ADRA2B: variants seen among roughly 807,000 people sequenced by gnomAD.
The protein encoded by ADRA2B is alpha-2B adrenergic receptor.
Under a neutral mutation model 14.4 loss-of-function variants are expected in ADRA2B, and 14 were observed. The observed-to-expected ratio is 0.97, with a 90% CI of 0.64 to 1.52. ADRA2B has a LOEUF of 1.52. ADRA2B is among the 40% of genes most tolerant of loss of function. The pLI is 0.00. For missense variants in ADRA2B, 606 were observed against 603.2 expected, an observed-to-expected ratio of 1.00 and a Z score of -0.05; for synonymous variants, 250 against 263.7, an observed-to-expected ratio of 0.95 and a Z score of 0.50.
chr2:96,115,504 C>T lies in ADRA2B; in HGVS notation c.646G>A (p.Gly216Ser), dbSNP rs1681845694. The change falls in exon 1 of 1, where the codon GGT (glycine) becomes AGT (serine). Residue 216 changes from glycine to serine, a missense_variant. Coordinates refer to ENST00000620793, the MANE Select transcript of ADRA2B (RefSeq NM_000682.7). ...TCGGGTCGGGGCTGCTTGGACTCAC[C>T]CTGCCCAGGCCCCCCCTTGGCCCTG... is the stretch of plus-strand genomic sequence containing the variant. The part of the protein sequence containing the change: ...GPRAKGGPGQ[G>S]ESKQPRPDHG... 6.2e-7 allele frequency: 1 copy of T among 1,613,714 alleles called. No individual in the cohort carries two copies. Among genetic ancestry groups the T allele is most frequent in the Non-Finnish European group, 8.5e-7 (1 of 1,179,876 alleles).
In ADRA2B at chr2:96,115,845, T is replaced by A; in HGVS notation, c.305A>T (p.His102Leu). The stretch of plus-strand genomic sequence containing the variant: ...GCGGTCCAGGCTGATGGCGCACAGG[T>A]GCACGATGGACGAGGTGCAGAAGAG... Reference protein sequence around the residue: ...DVLFCTSSIVHLCAISLDRYW... With the variant: ...DVLFCTSSIVLLCAISLDRYW... The change falls in exon 1 of 1, where the codon CAC becomes CTC. Residue 102 changes from histidine to leucine, a missense_variant. His to Leu is a moderately conservative substitution (Grantham distance 99, BLOSUM62 -3). Coordinates refer to ENST00000620793, the MANE Select transcript of ADRA2B (RefSeq NM_000682.7). 1 of 1,613,396 alleles carries A rather than the reference T, an allele frequency of 6.2e-7. No individual in the cohort carries two copies. The highest frequency in any genetic ancestry group is 8.5e-7 in the Non-Finnish European group (1 of 1,179,728).
At position 96,113,092 on chromosome 2, in the gene ADRA2B, G is replaced by A. The variant is rs1681786961; in HGVS notation, c.*1705C>T. 3 of 398,464 alleles carry A rather than the reference G, an allele frequency of 7.5e-6. No individual in the cohort carries two copies. The highest frequency in any genetic ancestry group is 1.3e-5 in the Non-Finnish European group (3 of 226,088). The allele number at this position is 398,464 out of a possible 1,614,324, so 24.7% of individuals were successfully genotyped here. ...ACTCTGGCCTCAACAACCCACTGAG[G>A]ACCAAGCTGGGAAGCCTCCCACACC... On this transcript the variant is annotated 3_prime_UTR_variant, in exon 1 of 1. Coordinates refer to ENST00000620793, the MANE Select transcript of ADRA2B (RefSeq NM_000682.7).
rs527711374 is a variant in ADRA2B, at chr2:96,114,480, G to A, written c.*317C>T. On this transcript the variant is annotated 3_prime_UTR_variant, in exon 1 of 1. Transcript: ENST00000620793. ...GCCCAGACATTGGTCTGGAGAGCAT[G>A]GGGCTCTGGGAAGAAAGTGCTCTCT... 1 of 1,161,354 alleles carries A rather than the reference G, an allele frequency of 8.6e-7. No homozygotes were observed. The highest frequency in any genetic ancestry group is 1.1e-6 in the Non-Finnish European group (1 of 938,216). 71.9% of individuals were successfully genotyped at this position (1,161,354 alleles called of 1,614,324 possible).
At position 96,114,614 on chromosome 2, in the gene ADRA2B, G is replaced by C. The variant is rs751256620; in HGVS notation, c.*183C>G. ...CCCACAGCTAAGCCGGCAAGGGGAAGCTTCACTGGGACCCTTGCTAGCAGC... is the reference window on the plus strand; with the variant it reads ...CCCACAGCTAAGCCGGCAAGGGGAACCTTCACTGGGACCCTTGCTAGCAGC... On this transcript the variant is annotated 3_prime_UTR_variant, in exon 1 of 1. Coordinates refer to ENST00000620793, the MANE Select transcript of ADRA2B (RefSeq NM_000682.7). 267 of 1,424,942 alleles carry C rather than the reference G, an allele frequency of 1.9e-4. No individual in the cohort carries two copies. The highest frequency in any genetic ancestry group is 2.6e-4 in the Middle Eastern group (1 of 3,848). 88.3% of individuals were successfully genotyped at this position (1,424,942 alleles called of 1,614,324 possible).
chr2:96,115,787 G>C lies in ADRA2B; in HGVS notation c.363C>G (p.Asn121Lys). The C allele has an allele frequency of 6.2e-7, 1 of 1,612,964 alleles. No individual in the cohort carries two copies. Among genetic ancestry groups the C allele is most frequent in the African/African-American group, 1.3e-5 (1 of 75,052 alleles). The change falls in exon 1 of 1, where the codon AAC (asparagine) becomes AAG (lysine). Residue 121 changes from asparagine to lysine, a missense_variant. Transcript: ENST00000620793. ...TGATGCGGCGCGGGGTGCGCTTGGA[G>C]TTGTACTCCAGCGCGCGGCTCACGG... ...YWAVSRALEY[N>K]SKRTPRRIKC...
Position 96,116,356 on chromosome 2 carries a change from C to G in ADRA2B, c.-207G>C. The G allele has an allele frequency of 7.0e-6, 4 of 575,460 alleles. No individual in the cohort carries two copies. The South Asian group carries it at 8.3e-5, about 12-fold the overall frequency. The allele number at this position is 575,460 out of a possible 1,614,324, so 35.6% of individuals were successfully genotyped here. A position where few individuals can be genotyped will look rare whatever the true frequency, so the allele number is the denominator to read the frequency against. On this transcript the variant is annotated 5_prime_UTR_variant, in exon 1 of 1. Coordinates refer to ENST00000620793, the MANE Select transcript of ADRA2B (RefSeq NM_000682.7). ...TCCTACATCCTCCTCCACCGGTGCCCGGGGTCCCTGCCGTCCGCCCCAGAG... is the reference window on the plus strand; with the variant it reads ...TCCTACATCCTCCTCCACCGGTGCCGGGGGTCCCTGCCGTCCGCCCCAGAG...
rs1437325214 is a variant in ADRA2B at position 96,114,184 on chromosome 2, G to A, written c.*613C>T. ...CCGATCCATTGTTCTGGCTTTCAAA[G>A]GAACCACAGATCCGAAAACAGGCAA... On this transcript the variant is annotated 3_prime_UTR_variant, in exon 1 of 1. Transcript: ENST00000620793. 1 of 985,626 alleles carries A rather than the reference G, an allele frequency of 1.0e-6. No individual in the cohort carries two copies. Among genetic ancestry groups the A allele is most frequent in the Non-Finnish European group, 1.2e-6 (1 of 830,130 alleles). The allele number at this position is 985,626 out of a possible 1,614,324, so 61.1% of individuals were successfully genotyped here.
At position 96,114,377 on chromosome 2, in the gene ADRA2B, TG is replaced by T. The variant is rs1398481186; in HGVS notation, c.*419del. On this transcript the variant is annotated 3_prime_UTR_variant, in exon 1 of 1. Transcript: ENST00000620793. The stretch of plus-strand genomic sequence containing the variant: ...AGGCTGGCTCCGTGCTCTTTGTGGG[TG>T]GGGGGGAGATGAAAAAGAAACGAAA... 2 of 999,214 alleles carry T rather than the reference TG, an allele frequency of 2.0e-6. No homozygotes were observed. The highest frequency in any genetic ancestry group is 4.4e-5 in the South Asian group (1 of 22,800). 61.9% of individuals were successfully genotyped at this position (999,214 alleles called of 1,614,324 possible).
rs915691407 is a variant in ADRA2B at position 96,115,338 on chromosome 2, G to T, written c.812C>A (p.Pro271Gln). ...TPEDTGTRAL[P>Q]PSWAALPNSG... ...GTTGGGAAGGGCAGCCCAACTGGGT[G>T]GCAAGGCCCGGGTCCCAGTATCTTC... The change falls in exon 1 of 1, where the codon CCA (proline) becomes CAA (glutamine). Residue 271 changes from proline to glutamine, a missense_variant. Physicochemically the swap from Pro to Gln is moderately conservative, Grantham distance 76 (BLOSUM62 -1). Coordinates refer to ENST00000620793, the MANE Select transcript of ADRA2B (RefSeq NM_000682.7). The T allele has an allele frequency of 1.5e-5, 24 of 1,601,772 alleles. No homozygotes were observed. The highest frequency in any genetic ancestry group is 2.0e-5 in the Non-Finnish European group (23 of 1,172,850).
rs959270704 is a variant in ADRA2B, at chr2:96,114,488, G to A, written c.*309C>T. On this transcript the variant is annotated 3_prime_UTR_variant, in exon 1 of 1. Coordinates refer to ENST00000620793, the MANE Select transcript of ADRA2B (RefSeq NM_000682.7). ...ATTGGTCTGGAGAGCATGGGGCTCT[G>A]GGAAGAAAGTGCTCTCTCTTCTCCT... is the stretch of plus-strand genomic sequence containing the variant. 14 of 1,185,666 alleles carry A rather than the reference G, an allele frequency of 1.2e-5. No individual in the cohort carries two copies. The highest frequency in any genetic ancestry group is 1.4e-5 in the Non-Finnish European group (13 of 952,970). 73.4% of individuals were successfully genotyped at this position (1,185,666 alleles called of 1,614,324 possible). A position where few individuals can be genotyped will look rare whatever the true frequency, so the allele number is the denominator to read the frequency against.
chr2:96,113,800 G>A lies in ADRA2B; in HGVS notation c.*997C>T, dbSNP rs532203315. The A allele has an allele frequency of 4.3e-5, 27 of 626,464 alleles. No individual in the cohort carries two copies. In the African/African-American group the frequency reaches 4.6e-4, roughly 11 times the overall value. The allele number at this position is 626,464 out of a possible 1,614,324, so 38.8% of individuals were successfully genotyped here. A position where few individuals can be genotyped will look rare whatever the true frequency, so the allele number is the denominator to read the frequency against. On this transcript the variant is annotated 3_prime_UTR_variant, in exon 1 of 1. Transcript: ENST00000620793. Reference sequence around the variant, plus strand: ...AAGAGATCCTTTAACTTGAAATAGTGATTCTGTCTGCCACTCCCGGCTTCC... The same window carrying A: ...AAGAGATCCTTTAACTTGAAATAGTAATTCTGTCTGCCACTCCCGGCTTCC...
rs1051843278 is a variant in ADRA2B, at chr2:96,113,323, A to C, written c.*1474T>G. The C allele has an allele frequency of 3.3e-5, 13 of 393,952 alleles. No individual in the cohort carries two copies. The East Asian group carries it at 4.7e-4, about 14-fold the overall frequency. 24.4% of individuals were successfully genotyped at this position (393,952 alleles called of 1,614,324 possible). ...CACACTTCCAACTGTTCTGGGTGCC[A>C]GGTTTTGGGGTGGGACTGAGAACCA... On this transcript the variant is annotated 3_prime_UTR_variant, in exon 1 of 1. Coordinates refer to ENST00000620793, the MANE Select transcript of ADRA2B (RefSeq NM_000682.7).
In ADRA2B at chr2:96,116,254, G is replaced by T; in HGVS notation, c.-105C>A. On this transcript the variant is annotated 5_prime_UTR_variant, in exon 1 of 1. Coordinates refer to ENST00000620793, the MANE Select transcript of ADRA2B (RefSeq NM_000682.7). ...ACAAGAGCGTCGCCCCTCGGGCGGC[G>T]CCGAGGGCGCTGGAGCCCCATGGCC... 1 of 1,036,218 alleles carries T rather than the reference G, an allele frequency of 9.7e-7. No homozygotes were observed. The highest frequency in any genetic ancestry group is 1.4e-6 in the Non-Finnish European group (1 of 692,860). The allele number at this position is 1,036,218 out of a possible 1,614,324, so 64.2% of individuals were successfully genotyped here. A position where few individuals can be genotyped will look rare whatever the true frequency, so the allele number is the denominator to read the frequency against.
At position 96,114,968 on chromosome 2, in the gene ADRA2B, T is replaced by A. The variant is rs2229169; in HGVS notation, c.1182A>T (p.Gly394=). ...CCTTGCAGTGCTTCGGGCAGATGGC[T>A]CCCAGGCTGTAGCTGAAGAAGAAGG... ...WFPFFFSYSL[G]AICPKHCKVP... The change falls in exon 1 of 1, where the codon GGA becomes GGT. Residue 394 remains glycine, a synonymous_variant. Transcript: ENST00000620793. 10 of 1,612,466 alleles carry A rather than the reference T, an allele frequency of 6.2e-6. No homozygotes were observed. The highest frequency in any genetic ancestry group is 5.3e-5 in the African/African-American group (4 of 74,986).
At position 96,116,233 on chromosome 2, in the gene ADRA2B, G is replaced by A; in HGVS notation, c.-84C>T. Reference sequence around the variant, plus strand: ...AGCGCTGCCCGGCTCGGCTAGACAAGAGCGTCGCCCCTCGGGCGGCGCCGA... The same window carrying A: ...AGCGCTGCCCGGCTCGGCTAGACAAAAGCGTCGCCCCTCGGGCGGCGCCGA... On this transcript the variant is annotated 5_prime_UTR_variant, in exon 1 of 1. Coordinates refer to ENST00000620793, the MANE Select transcript of ADRA2B (RefSeq NM_000682.7). 1 of 1,309,306 alleles carries A rather than the reference G, an allele frequency of 7.6e-7. No individual in the cohort carries two copies. Among genetic ancestry groups the A allele is most frequent in the Non-Finnish European group, 1.1e-6 (1 of 930,746 alleles). The allele number at this position is 1,309,306 out of a possible 1,614,324, so 81.1% of individuals were successfully genotyped here.
Position 96,115,245 on chromosome 2 carries a change from T to A in ADRA2B, c.905A>T (p.Glu302Val). Residue 302 changes from glutamate (E) to valine (V), a missense_variant, in exon 1 of 1, where the codon GAG (glutamate) becomes GTG (valine). Physicochemically the swap from Glu to Val is moderately radical, Grantham distance 121. Coordinates refer to ENST00000620793, the MANE Select transcript of ADRA2B (RefSeq NM_000682.7). ...ACACTCTTCCTCCTCCTCCTCCTCCTCTTCCTCCTCTTCAGCTTCATCCTC... is the reference window on the plus strand; with the variant it reads ...ACACTCTTCCTCCTCCTCCTCCTCCACTTCCTCCTCTTCAGCTTCATCCTC... ...SPEDEAEEEE[E>V]EEEEEEECEP... is the part of the protein sequence containing the mutation. 11 of 734,936 alleles carry A rather than the reference T, an allele frequency of 1.5e-5. No individual in the cohort carries two copies. The highest frequency in any genetic ancestry group is 2.1e-5 in the Non-Finnish European group (11 of 519,372). 45.5% of individuals were successfully genotyped at this position (734,936 alleles called of 1,614,324 possible).
Position 96,115,004 on chromosome 2 carries a change from G to A in ADRA2B, c.1146C>T (p.Leu382=). The A allele has an allele frequency of 6.2e-7, 1 of 1,613,748 alleles. No individual in the cohort carries two copies. Among genetic ancestry groups the A allele is most frequent in the Non-Finnish European group, 8.5e-7 (1 of 1,179,758 alleles). Residue 382 remains leucine, a synonymous_variant, in exon 1 of 1, where the codon CTC becomes CTT. Coordinates refer to ENST00000620793, the MANE Select transcript of ADRA2B (RefSeq NM_000682.7). The part of the protein sequence containing the change: ...VLAVVIGVFV[L]CWFPFFFSYS... ...AGCTGAAGAAGAAGGGGAACCAGCA[G>A]AGCACAAAAACGCCAATGACCACAG...
chr2:96,114,133 T>C lies in ADRA2B; in HGVS notation c.*664A>G. ...CGAGGCATCCACGTGGCCACCCACC[T>C]ACCGGAGGGGTGCTGGGTAAGGAAG... On this transcript the variant is annotated 3_prime_UTR_variant, in exon 1 of 1. Transcript: ENST00000620793. The C allele has an allele frequency of 1.0e-6, 1 of 985,752 alleles. No individual in the cohort carries two copies. The highest frequency in any genetic ancestry group is 1.2e-6 in the Non-Finnish European group (1 of 829,956). 61.1% of individuals were successfully genotyped at this position (985,752 alleles called of 1,614,324 possible).
rs540121216 is a variant in ADRA2B, at chr2:96,114,262, C to T, written c.*535G>A. On this transcript the variant is annotated 3_prime_UTR_variant, in exon 1 of 1. Coordinates refer to ENST00000620793, the MANE Select transcript of ADRA2B (RefSeq NM_000682.7). ...GCCACCCCATAAGCCCCCATCCCAGCGCCTGCCAGGGACCGCGAGTGCCTA... is the reference window on the plus strand; with the variant it reads ...GCCACCCCATAAGCCCCCATCCCAGTGCCTGCCAGGGACCGCGAGTGCCTA... 3.9e-5 allele frequency: 39 copies of T among 988,436 alleles called. No homozygotes were observed. The highest frequency in any genetic ancestry group is 1.1e-4 in the East Asian group (1 of 8,850). 61.2% of individuals were successfully genotyped at this position (988,436 alleles called of 1,614,324 possible). A position where few individuals can be genotyped will look rare whatever the true frequency, so the allele number is the denominator to read the frequency against.
Sources: allele counts gnomAD v4.1 joint callset, GRCh38; gene constraint gnomAD v4.1.1; transcripts MANE v1.5; gene names NCBI Gene and HGNC (gene_info 2026-07-23, HGNC 2026-07-21).